TTC38: variants seen among roughly 807,000 people sequenced by gnomAD.
TTC38 encodes the protein tetratricopeptide repeat protein 38.
A neutral mutation model predicts 64.2 loss-of-function variants in TTC38; 64 were observed. The observed-to-expected ratio is 1.00, with a 90% CI of 0.81 to 1.23. TTC38 has a LOEUF of 1.23. Ranked by LOEUF, TTC38 falls within the 50% of genes most tolerant of loss-of-function variation. The probability of loss-of-function intolerance (pLI) is 0.00; values close to 1 mark genes in which losing one functional copy is unlikely to be tolerated. For missense variants in TTC38, 573 were observed against 615.5 expected, an observed-to-expected ratio of 0.93 and a Z score of 0.73; for synonymous variants, 254 against 249.3, an observed-to-expected ratio of 1.02 and a Z score of -0.18.
In TTC38 at chr22:46,282,809, C is replaced by T. The variant is rs2077544169; in HGVS notation, c.735+1091C>T. Among the ~76,000 whole-genome samples the T allele has an allele frequency of 6.6e-6, 1 of 152,212 alleles. No individual in the cohort carries two copies. Among genetic ancestry groups the T allele is most frequent in the East Asian group, 1.9e-4 (1 of 5,198 alleles). On this transcript the variant is annotated intron_variant, in intron 7 of 13. Coordinates refer to ENST00000381031, the MANE Select transcript of TTC38 (RefSeq NM_017931.4). This position sits in a 1 kb window ranked among gnomAD's most constrained non-coding sequence, Gnocchi z 4.4. Reference sequence around the variant, plus strand: ...GCCCAGCACAGGTCCTACTTTAACACTGCTTCATACTGAGGGCAGCCTAAG... The same window carrying T: ...GCCCAGCACAGGTCCTACTTTAACATTGCTTCATACTGAGGGCAGCCTAAG...
rs1228622068 is a variant in TTC38 at position 46,276,822 on chromosome 22, T to TAA, written c.539+1403_539+1404dup. Reference sequence around the variant, plus strand: ...AAATTATATATTAAAATATATATATTAAATATATATATATATATAAACATA... The same window carrying TAA: ...AAATTATATATTAAAATATATATATTAAAAATATATATATATATATAAACATA... On this transcript the variant is annotated intron_variant, in intron 5 of 13. Transcript: ENST00000381031. The surrounding 1 kb of genome is among the most constrained non-coding windows in gnomAD (Gnocchi z 4.7). 4.1e-5 allele frequency among the ~76,000 whole-genome samples: 5 copies of TAA among 122,272 alleles called. No individual in the cohort carries two copies. The highest frequency in any genetic ancestry group is 9.3e-5 in the African/African-American group (2 of 21,418). The allele number at this position is 122,272 out of a possible 152,430, so 80.2% of individuals were successfully genotyped here. A position where few individuals can be genotyped will look rare whatever the true frequency, so the allele number is the denominator to read the frequency against.
In TTC38 at chr22:46,292,158, C is replaced by T. The variant is rs918697933; in HGVS notation, c.1317-633C>T. 1.6e-5 allele frequency: 7 copies of T among 426,890 alleles called. No individual in the cohort carries two copies. The highest frequency in any genetic ancestry group is 4.1e-5 in the African/African-American group (2 of 48,356). The allele number at this position is 426,890 out of a possible 1,614,324, so 26.4% of individuals were successfully genotyped here. A position where few individuals can be genotyped will look rare whatever the true frequency, so the allele number is the denominator to read the frequency against. On this transcript the variant is annotated intron_variant, in intron 13 of 13. Transcript: ENST00000381031. This position sits in a 1 kb window ranked among gnomAD's most constrained non-coding sequence, Gnocchi z 6.5. Reference sequence around the variant, plus strand: ...TTTCCTTTGAGTGCTAATTCTTTCACGTCTCTTCTTTCTTCTTTCTTTTTA... The same window carrying T: ...TTTCCTTTGAGTGCTAATTCTTTCATGTCTCTTCTTTCTTCTTTCTTTTTA...
In TTC38 at chr22:46,275,354, C is replaced by A. The variant is rs1420910826; in HGVS notation, c.472C>A (p.Gln158Lys). 1 of 1,614,056 alleles carries A rather than the reference C, an allele frequency of 6.2e-7. No individual in the cohort carries two copies. Among genetic ancestry groups the A allele is most frequent in the East Asian group, 2.2e-5 (1 of 44,892 alleles). Residue 158 changes from glutamine to lysine, a missense_variant, in exon 5 of 14, where the codon CAG becomes AAG. Around this residue, in one of 3 missense-constraint regions of TTC38, gnomAD observed 68 missense variants for 107.3 expected, o/e 0.63. Transcript: ENST00000381031. The surrounding 1 kb of genome is among the most constrained non-coding windows in gnomAD (Gnocchi z 4.5). ...TGATGCTTATTTTTACCTGGGCTAT[C>A]AGGAACAGATGAGAGATTCTGTTGC... ...SHDAYFYLGY[Q>K]EQMRDSVARI...
At chr22:46,289,060 G>T (rs2077592633) in intron 11 of TTC38, among the ~76,000 whole-genome samples, 1 of 152,218 alleles carries the variant, frequency 6.6e-6, no homozygotes. Flanking sequence ...CCCTTCCGGG[G>T]GTGATGATTG....
chr22:46,281,225 A>T lies in TTC38; in HGVS notation c.616-374A>T, dbSNP rs2077532017. On this transcript the variant is annotated intron_variant, in intron 6 of 13. Transcript: ENST00000381031. The surrounding 1 kb of genome is among the most constrained non-coding windows in gnomAD (Gnocchi z 5.2). ...AGGCAGCATCCGTGGCCTTCCAGGC[A>T]GGCGGCAGCTGAGGCCCAGAGAGGG... is the stretch of plus-strand genomic sequence containing the variant. Among the ~76,000 whole-genome samples the T allele has an allele frequency of 6.6e-6, 1 of 152,262 alleles. No homozygotes were observed. The highest frequency in any genetic ancestry group is 1.9e-4 in the East Asian group (1 of 5,198).
Position 46,284,073 on chromosome 22 carries a change from A to T in TTC38, c.795+41A>T, listed in dbSNP as rs766667381. On this transcript the variant is annotated intron_variant, in intron 8 of 13. Transcript: ENST00000381031. The stretch of plus-strand genomic sequence containing the variant: ...GTTTGCACTGTCTTATCCTATAAAG[A>T]TGTCTAGAGGGAGAAAGATTTTTCT... 5 of 1,530,874 alleles carry T rather than the reference A, an allele frequency of 3.3e-6. No individual in the cohort carries two copies. The Admixed American group carries it at 9.5e-5, about 29-fold the overall frequency. The allele number at this position is 1,530,874 out of a possible 1,614,324, so 94.8% of individuals were successfully genotyped here. A position where few individuals can be genotyped will look rare whatever the true frequency, so the allele number is the denominator to read the frequency against.
intron 1 of TTC38, 61 bp downstream of exon 1, chr22:46,268,133 G>T: frequency 6.7e-7 from 1 of 1,502,480 alleles, no homozygotes; most frequent in Non-Finnish European, 8.9e-7. Flanking sequence ...GGGTGGCCCG[G>T]TGCTGGCGGA....
chr22:46,274,823 G>C lies in TTC38; in HGVS notation c.366-425G>C, dbSNP rs9615338. On this transcript the variant is annotated intron_variant, in intron 4 of 13. Coordinates refer to ENST00000381031, the MANE Select transcript of TTC38 (RefSeq NM_017931.4). The surrounding 1 kb of genome is among the most constrained non-coding windows in gnomAD (Gnocchi z 4.8). ...TCTGATTCACAACCTAACATAGAAA[G>C]TGATTTTTTTACATTTATTTATTTA... 0.24 allele frequency among the ~76,000 whole-genome samples: 36,132 copies of C among 151,774 alleles called. 6,583 individuals are homozygous for C. The highest frequency in any genetic ancestry group is 0.51 in the African/African-American group (21,105 of 41,274).
At position 46,274,581 on chromosome 22, in the gene TTC38, T is replaced by A. The variant is rs547838000; in HGVS notation, c.365+512T>A. 7.2e-5 allele frequency among the ~76,000 whole-genome samples: 11 copies of A among 152,320 alleles called. No individual in the cohort carries two copies. In the South Asian group the frequency reaches 2.1e-3, roughly 29 times the overall value. ...TGCAGAGTTAGGCGACCCTAGCCGA[T>A]TGTGCAGGGACTCAGGGATTCCGAA... On this transcript the variant is annotated intron_variant, in intron 4 of 13. Coordinates refer to ENST00000381031, the MANE Select transcript of TTC38 (RefSeq NM_017931.4). This position sits in a 1 kb window ranked among gnomAD's most constrained non-coding sequence, Gnocchi z 4.8.
At chr22:46,285,400 C>T (rs1485937563) in intron 9 of TTC38, 121 bp downstream of exon 9, 5 of 1,001,428 alleles carry the variant, frequency 5.0e-6, no homozygotes, top group Non-Finnish European at 8.0e-6. Flanking sequence ...AGCAAGAACA[C>T]ATTTCTTGTG....
Position 46,275,782 on chromosome 22 carries a change from G to A in TTC38, c.539+361G>A, listed in dbSNP as rs1169482429. On this transcript the variant is annotated intron_variant, in intron 5 of 13. Coordinates refer to ENST00000381031, the MANE Select transcript of TTC38 (RefSeq NM_017931.4). The surrounding 1 kb of genome is among the most constrained non-coding windows in gnomAD (Gnocchi z 4.5). ...GTCCTTGTCTCCATCTGGGATCCCA[G>A]CTGATGAAGCAACTGCCCTCTGGAC... is the stretch of plus-strand genomic sequence containing the variant. 6.6e-6 allele frequency among the ~76,000 whole-genome samples: 1 copy of A among 152,200 alleles called. No individual in the cohort carries two copies. The highest frequency in any genetic ancestry group is 1.5e-5 in the Non-Finnish European group (1 of 68,036).
chr22:46,289,344 C>A (rs1239879931), intron 11 of TTC38, 58 bp from the exon 12 acceptor site: 3 of 1,574,286 alleles, frequency 1.9e-6, no homozygotes, highest in Middle Eastern at 1.7e-4. Flanking sequence ...AATGGCTCTG[C>A]CCTTCCCGGA....
chr22:46,268,979 G>T, intron 2 of TTC38: 2 of 343,194 alleles, frequency 5.8e-6, no homozygotes, highest in Non-Finnish European at 1.2e-5. Context: ...GAGCCACCGC[G>T]CCCGGCCATG....
At position 46,292,789 on chromosome 22, in the gene TTC38, A is replaced by G. The variant is rs747729663; in HGVS notation, c.1317-2A>G. The G allele has an allele frequency of 1.2e-6, 2 of 1,613,344 alleles. No individual in the cohort carries two copies. Among genetic ancestry groups the G allele is most frequent in the South Asian group, 1.1e-5 (1 of 91,074 alleles). ...ACAGGACCTCTGTGTCTGTTTCCACAGGAGCCTTCTGATGGAGCGTGATGC... is the reference window on the plus strand; with the variant it reads ...ACAGGACCTCTGTGTCTGTTTCCACGGGAGCCTTCTGATGGAGCGTGATGC... On this transcript the variant is annotated splice_acceptor_variant, in intron 13 of 13. Transcript: ENST00000381031. LOFTEE classifies it high-confidence loss of function. The surrounding 1 kb of genome is among the most constrained non-coding windows in gnomAD (Gnocchi z 6.5).
chr22:46,279,055 A>G (rs1326750163), intron 6 of TTC38, among the ~76,000 whole-genome samples: 1 of 152,202 alleles, frequency 6.6e-6, no homozygotes, highest in Non-Finnish European at 1.5e-5. Context: ...GGAGAAGTGT[A>G]AATAAGCGTT....
In TTC38 at chr22:46,292,714, C is replaced by A; in HGVS notation, c.1317-77C>A. The A allele has an allele frequency of 7.4e-7, 1 of 1,345,704 alleles. No individual in the cohort carries two copies. The highest frequency in any genetic ancestry group is 1.1e-6 in the Non-Finnish European group (1 of 941,258). The allele number at this position is 1,345,704 out of a possible 1,614,324, so 83.4% of individuals were successfully genotyped here. A position where few individuals can be genotyped will look rare whatever the true frequency, so the allele number is the denominator to read the frequency against. On this transcript the variant is annotated intron_variant, in intron 13 of 13. Coordinates refer to ENST00000381031, the MANE Select transcript of TTC38 (RefSeq NM_017931.4). This position sits in a 1 kb window ranked among gnomAD's most constrained non-coding sequence, Gnocchi z 6.5. ...GCAGTCTAGCCTGCCTGTGTTCTGC[C>A]TTGGGACCAAGGGACCACCAGGCCC...
intron 2 of TTC38, chr22:46,269,089 C>A: frequency 4.6e-6 from 1 of 215,482 alleles, no homozygotes; most frequent in Non-Finnish European, 9.0e-6. Context: ...CATATCTCTG[C>A]CCCCCCCCCA....
Position 46,292,918 on chromosome 22 carries a change from A to C in TTC38, c.*34A>C. On this transcript the variant is annotated 3_prime_UTR_variant, in exon 14 of 14. Coordinates refer to ENST00000381031, the MANE Select transcript of TTC38 (RefSeq NM_017931.4). The surrounding 1 kb of genome is among the most constrained non-coding windows in gnomAD (Gnocchi z 6.5). ...GGCCGCCTCCACCCTGCAGAACCTC[A>C]GTGGTGGCGTCACTGCGTCCAGTCA... 2.6e-6 allele frequency: 4 copies of C among 1,538,150 alleles called. No individual in the cohort carries two copies. Among genetic ancestry groups the C allele is most frequent in the Non-Finnish European group, 3.6e-6 (4 of 1,112,550 alleles).
rs2077612557 is a variant in TTC38 at position 46,291,202 on chromosome 22, G to A, written c.1316+1303G>A. ...TCCATGGCTGTAGACAAAACCATGC[G>A]TGTTTCTTTGGTGGTCAAGCCCCCT... On this transcript the variant is annotated intron_variant, in intron 13 of 13. Coordinates refer to ENST00000381031, the MANE Select transcript of TTC38 (RefSeq NM_017931.4). This position sits in a 1 kb window ranked among gnomAD's most constrained non-coding sequence, Gnocchi z 4.6. Among the ~76,000 whole-genome samples, 1 of 152,234 alleles carries A rather than the reference G, an allele frequency of 6.6e-6. No individual in the cohort carries two copies. The highest frequency in any genetic ancestry group is 6.5e-5 in the Admixed American group (1 of 15,284).
Sources: gnomAD v4.1 joint callset for allele counts (sites outside exome capture counted in the v4.1 genomes callset) on GRCh38, gnomAD v4.1.1 for gene constraint, gnomAD v4.1.1 regional missense constraint, Gnocchi (gnomAD v3.1) non-coding constraint, MANE v1.5 for transcripts, NCBI Gene and HGNC (gene_info 2026-07-23, HGNC 2026-07-21) for gene names.